Variants in FRYL observed in about 807,000 individuals in gnomAD.
FRYL encodes the protein protein furry homolog-like.
FRYL carries 150 observed loss-of-function variants against 351.2 expected under a neutral mutation model. That is an observed-to-expected ratio of 0.43 (90% CI 0.37 to 0.49). The LOEUF (loss-of-function observed/expected upper bound fraction) is 0.49, where lower values mean the gene tolerates loss of function less well. Ranked by LOEUF, FRYL falls within the 20% of genes least tolerant of loss-of-function variation. The pLI is 0.00. For missense variants in FRYL, 3,036 were observed against 3,619.3 expected (o/e 0.84, Z 4.13); for synonymous variants, 1,153 against 1,257.1 (o/e 0.92, Z 1.75).
At chr4:48,510,343 G>C in intron 58 of FRYL, among the ~76,000 whole-genome samples, 186 bp from the exon 59 acceptor site, 1 of 152,162 alleles carries the variant, frequency 6.6e-6, no homozygotes, top group East Asian at 1.9e-4. Flanking sequence ...AGTGGGACTT[G>C]AGGAGGGTCA....
intron 59 of FRYL, among the ~76,000 whole-genome samples, chr4:48,507,350 TAATC>T (rs532542115): frequency 5.3e-5 from 8 of 152,200 alleles, no homozygotes; most frequent in Non-Finnish European, 7.3e-5. Context: ...AGTTCACATC[TAATC>T]AATCAGTCTT....
At chr4:48,682,237 T>C (rs781409109) in intron 3 of FRYL, among the ~76,000 whole-genome samples, 12 of 151,982 alleles carry the variant, frequency 7.9e-5, no homozygotes, top group Non-Finnish European at 1.6e-4. Context: ...ATGGTCTACA[T>C]AGAAATCAGG....
chr4:48,583,698 T>C (rs1741437466), intron 19 of FRYL, among the ~76,000 whole-genome samples: 1 of 151,056 alleles, frequency 6.6e-6, no homozygotes, highest in Non-Finnish European at 1.5e-5. Flanking sequence ...AGGTCGGGAG[T>C]TCGAGACCAG....
intron 23 of FRYL, among the ~76,000 whole-genome samples, chr4:48,577,389 T>G (rs1454942151): frequency 6.6e-6 from 1 of 152,206 alleles, no homozygotes; most frequent in Non-Finnish European, 1.5e-5. Context: ...AGGTAAGTAA[T>G]GCAAACACAT....
In FRYL at chr4:48,500,181, T is replaced by A. The variant is rs1719231346; in HGVS notation, c.8632A>T (p.Ile2878Phe). ...GAAGCGGACTCAGCTTCTTTGAGGA[T>A]ACTTTCCAGTTGGGCAAGTTCCTCT... ...MSEELAQLES[I>F]LKEAESASEN... The change falls in exon 63 of 64, where the codon ATC (isoleucine) becomes TTC (phenylalanine). Residue 2878 changes from isoleucine (I) to phenylalanine (F), a missense_variant. Physicochemically the swap from Ile to Phe is conservative, Grantham distance 21. Around this residue, in one of 7 missense-constraint regions of FRYL, gnomAD observed 1,987 missense variants for 2,311.7 expected, o/e 0.86. Transcript: ENST00000358350. 1 of 1,597,350 alleles carries A rather than the reference T, an allele frequency of 6.3e-7. No individual in the cohort carries two copies. The highest frequency in any genetic ancestry group is 1.9e-5 in the Admixed American group (1 of 53,938).
chr4:48,779,639 C>T (rs1776427196), intron 1 of FRYL, among the ~76,000 whole-genome samples: 1 of 152,028 alleles, frequency 6.6e-6, no homozygotes. Context: ...TCTGCCACCG[C>T]CTTCCTTCCC....
At position 48,552,244 on chromosome 4, in the gene FRYL, G is replaced by GGTGTGTGT. The variant is rs67155390; in HGVS notation, c.4436-674_4436-667dup. Reference sequence around the variant, plus strand: ...TGTATAAATATAAACAGTCCAAAGGGGTGTGTGTGTGTGTGTGTGTGTGTG... The same window carrying GGTGTGTGT: ...TGTATAAATATAAACAGTCCAAAGGGGTGTGTGTGTGTGTGTGTGTGTGTGTGTGTGTG... On this transcript the variant is annotated intron_variant, in intron 36 of 63. Coordinates refer to ENST00000358350, the MANE Select transcript of FRYL (RefSeq NM_015030.2). Among the ~76,000 whole-genome samples, 396 of 145,336 alleles carry GGTGTGTGT rather than the reference G, an allele frequency of 2.7e-3. 3 individuals are homozygous for GGTGTGTGT. The highest frequency in any genetic ancestry group is 9.0e-3 in the African/African-American group (348 of 38,772).
intron 45 of FRYL, 21 bp downstream of exon 45, chr4:48,542,006 T>G: frequency 6.5e-7 from 1 of 1,532,668 alleles, no homozygotes; most frequent in Non-Finnish European, 9.0e-7. Context: ...CTATATTAGG[T>G]TGCCTGGTTT....
At chr4:48,609,541 G>A (rs1000285603) in intron 8 of FRYL, among the ~76,000 whole-genome samples, 5 of 151,860 alleles carry the variant, frequency 3.3e-5, no homozygotes, top group Non-Finnish European at 5.9e-5. Flanking sequence ...AGGATCACTT[G>A]AGCCCAGGAG....
chr4:48,574,035 ACT>A (rs1361855347), intron 25 of FRYL, among the ~76,000 whole-genome samples: 14 of 152,058 alleles, frequency 9.2e-5, no homozygotes, highest in Admixed American at 2.0e-4. Context: ...TACATTTTTC[ACT>A]GTTTTCGTTT....
At chr4:48,638,234 A>G (rs1287443289) in intron 3 of FRYL, 4 of 152,170 alleles carry the variant, frequency 2.6e-5, no homozygotes, top group Non-Finnish European at 5.9e-5. Context: ...ATAGATTTAT[A>G]TAACAGAAAT....
intron 30 of FRYL, 36 bp from the exon 31 acceptor site, chr4:48,564,138 G>A (rs373209786): frequency 2.6e-5 from 41 of 1,607,502 alleles, no homozygotes; most frequent in Non-Finnish European, 3.2e-5. Flanking sequence ...GAGAGAGAAC[G>A]TTATATATTT....
chr4:48,691,541 A>G (rs557264182), intron 2 of FRYL, among the ~76,000 whole-genome samples: 1 of 152,334 alleles, frequency 6.6e-6, no homozygotes, highest in African/African-American at 2.4e-5. Flanking sequence ...CATCTATACA[A>G]TAAGGATAAT....
chr4:48,626,796 C>T (rs916558545), intron 4 of FRYL, among the ~76,000 whole-genome samples: 6 of 151,982 alleles, frequency 3.9e-5, no homozygotes, highest in African/African-American at 1.4e-4. Context: ...CAATTTTTTT[C>T]TCTCATGTGT....
At chr4:48,684,200 G>A (rs1764938390) in intron 3 of FRYL, among the ~76,000 whole-genome samples, 1 of 152,146 alleles carries the variant, frequency 6.6e-6, no homozygotes. Flanking sequence ...ATCTGTGCAA[G>A]ATATGAAGGC....
At chr4:48,630,379 T>C (rs1057379909) in intron 4 of FRYL, among the ~76,000 whole-genome samples, 5 of 152,170 alleles carry the variant, frequency 3.3e-5, no homozygotes, top group Admixed American at 3.3e-4. Flanking sequence ...CATATATTTA[T>C]ACTCTCAAAA....
chr4:48,778,673 A>G (rs1041058103), intron 1 of FRYL, among the ~76,000 whole-genome samples: 2 of 152,270 alleles, frequency 1.3e-5, no homozygotes, highest in African/African-American at 4.8e-5. Flanking sequence ...AATGCTCAAG[A>G]TGAAAAGACG....
intron 3 of FRYL, among the ~76,000 whole-genome samples, 177 bp from the exon 4 acceptor site, chr4:48,634,667 A>G (rs986252263): frequency 6.6e-6 from 1 of 152,168 alleles, no homozygotes; most frequent in Non-Finnish European, 1.5e-5. Context: ...ATTTAATTAC[A>G]TATCATGTAT....
chr4:48,697,910 A>T (rs1237245384), intron 2 of FRYL, among the ~76,000 whole-genome samples: 1 of 152,256 alleles, frequency 6.6e-6, no homozygotes, highest in Admixed American at 6.5e-5. Flanking sequence ...TTTTCATTAA[A>T]GACCTGTTAG....
Sources: gnomAD v4.1 joint callset for allele counts (sites outside exome capture counted in the v4.1 genomes callset) on GRCh38, gnomAD v4.1.1 for gene constraint, gnomAD v4.1.1 regional missense constraint, MANE v1.5 for transcripts, NCBI Gene and HGNC (gene_info 2026-07-23, HGNC 2026-07-21) for gene names.